SRSF6: variants seen among roughly 807,000 people sequenced by gnomAD.
SRSF6 encodes serine and arginine rich splicing factor 6, also known as serine/arginine-rich splicing factor 6.
SRSF6 carries 17 observed loss-of-function variants against 42.0 expected under a neutral mutation model. That is an observed-to-expected ratio of 0.40 (90% CI 0.28 to 0.61). The LOEUF is 0.61. Among genes scored for constraint, SRSF6 ranks in the 20% least tolerant of loss-of-function variants. The pLI is 0.37. For synonymous variants in SRSF6, 204 were observed against 166.7 expected (o/e 1.22, Z -1.72); for missense variants, 379 against 471.4 (o/e 0.80, Z 1.81).
intron 4 of SRSF6, 82 bp downstream of exon 4, chr20:43,460,323 T>C (rs1485979747): frequency 6.7e-7 from 1 of 1,491,988 alleles, no homozygotes; most frequent in African/African-American, 1.4e-5. Context: ...AATTGTTGCC[T>C]ACTTGAATTA....
chr20:43,458,014 G>C lies in SRSF6; in HGVS notation c.-20G>C. ...TCCGCCGTTCGACAACCAGCCCTTG[G>C]GTCCCCGCCCGCCACGGACATGCCG... On this transcript the variant is annotated 5_prime_UTR_variant, in exon 1 of 6. Coordinates refer to ENST00000244020, the MANE Select transcript of SRSF6 (RefSeq NM_006275.6). The C allele has an allele frequency of 6.2e-7, 1 of 1,603,410 alleles. No homozygotes were observed. The highest frequency in any genetic ancestry group is 8.5e-7 in the Non-Finnish European group (1 of 1,174,946).
rs2017589395 is a variant in SRSF6, at chr20:43,461,337, G to GTTGTTTTT, written c.*276_*277insGTTTTTTT. ...GTAAAGATTAAGCTCATTTAGTGTTGTTTTTTTTTTTTTTTTTTTTTTTTT... is the reference window on the plus strand; with the variant it reads ...GTAAAGATTAAGCTCATTTAGTGTTGTTGTTTTTTTTTTTTTTTTTTTTTTTTTTTTTT... On this transcript the variant is annotated 3_prime_UTR_variant, in exon 6 of 6. Coordinates refer to ENST00000244020, the MANE Select transcript of SRSF6 (RefSeq NM_006275.6). 1 of 43,768 alleles carries GTTGTTTTT rather than the reference G, an allele frequency of 2.3e-5. No individual in the cohort carries two copies. The allele number at this position is 43,768 out of a possible 1,614,324, so 2.7% of individuals were successfully genotyped here.
intron 2 of SRSF6, chr20:43,459,212 C>A (rs1045578812): frequency 1.5e-6 from 2 of 1,352,036 alleles, no homozygotes; most frequent in Non-Finnish European, 2.0e-6. Flanking sequence ...TCCTGATTGG[C>A]CTTGGCTTTT....
Position 43,458,526 on chromosome 20 carries a change from C to T in SRSF6, c.256+17C>T, listed in dbSNP as rs1600860324. On this transcript the variant is annotated intron_variant, in intron 2 of 5. Coordinates refer to ENST00000244020, the MANE Select transcript of SRSF6 (RefSeq NM_006275.6). The stretch of plus-strand genomic sequence containing the variant: ...GAAGCCGCAGTGAGTCCCACCCCCG[C>T]GCGCTCCGCGCCCTTGGGGACCCTG... 6.8e-7 allele frequency: 1 copy of T among 1,480,868 alleles called. No homozygotes were observed. The highest frequency in any genetic ancestry group is 8.9e-7 in the Non-Finnish European group (1 of 1,124,044). 91.7% of individuals were successfully genotyped at this position (1,480,868 alleles called of 1,614,324 possible).
chr20:43,460,287 T>TA, intron 4 of SRSF6, 46 bp downstream of exon 4: 1 of 1,592,782 alleles, frequency 6.3e-7, no homozygotes, highest in Non-Finnish European at 8.6e-7. Flanking sequence ...TATTTGCCAA[T>TA]AAAAAGGGAG....
Position 43,458,397 on chromosome 20 carries a change from C to T in SRSF6, c.144C>T (p.Ala48=), listed in dbSNP as rs2017533845. ...TGGAGTTCGAGGACTCCCGCGACGC[C>T]GACGACGCCGTTTACGAGCTGAACG... The part of the protein sequence containing the change: ...GFVEFEDSRD[A]DDAVYELNGK... Residue 48 remains alanine, a synonymous_variant, in exon 2 of 6, where the codon GCC becomes GCT. Transcript: ENST00000244020. The T allele has an allele frequency of 2.6e-6, 4 of 1,556,980 alleles. No homozygotes were observed. Among genetic ancestry groups the T allele is most frequent in the African/African-American group, 1.4e-5 (1 of 69,872 alleles).
At position 43,460,964 on chromosome 20, in the gene SRSF6, C is replaced by T. The variant is rs1246107875; in HGVS notation, c.936C>T (p.Ala312=). 1 of 1,614,124 alleles carries T rather than the reference C, an allele frequency of 6.2e-7. No individual in the cohort carries two copies. The change falls in exon 6 of 6, where the codon GCC becomes GCT. Residue 312 remains alanine, a synonymous_variant. Transcript: ENST00000244020. ...CGCTACCTGTTCCACCCTCAAAGGC[C>T]CGTTCTGTGTCCCCTCCACCAAAAA... The part of the protein sequence containing the change: ...NSPLPVPPSK[A]RSVSPPPKRA...
chr20:43,461,334 GTTGTTTTTTT>G lies in SRSF6; in HGVS notation c.*274_*283del, dbSNP rs1324016847. 82 of 56,472 alleles carry G rather than the reference GTTGTTTTTTT, an allele frequency of 1.5e-3. 2 individuals carry two copies. Among genetic ancestry groups the G allele is most frequent in the East Asian group, 6.0e-3 (8 of 1,326 alleles). The allele number at this position is 56,472 out of a possible 1,614,324, so 3.5% of individuals were successfully genotyped here. A position where few individuals can be genotyped will look rare whatever the true frequency, so the allele number is the denominator to read the frequency against. On this transcript the variant is annotated 3_prime_UTR_variant, in exon 6 of 6. Transcript: ENST00000244020. ...TTTGTAAAGATTAAGCTCATTTAGTGTTGTTTTTTTTTTTTTTTTTTTTTTTTTTTTTTTT... is the reference window on the plus strand; with the variant it reads ...TTTGTAAAGATTAAGCTCATTTAGTGTTTTTTTTTTTTTTTTTTTTTTTTT...
chr20:43,462,908 TC>T lies in SRSF6; in HGVS notation c.*1846del, dbSNP rs545260299. On this transcript the variant is annotated 3_prime_UTR_variant, in exon 6 of 6. Transcript: ENST00000244020. ...AGAAAATGATGTCTGTTGTTATAGT[TC>T]ATTGTTTTGCCTACTCAGCAGAAGT... The T allele has an allele frequency of 9.1e-3, 1,397 of 152,780 alleles. 15 individuals are homozygous for T. Among genetic ancestry groups the T allele is most frequent in the Non-Finnish European group, 0.011 (723 of 68,030 alleles). 9.5% of individuals were successfully genotyped at this position (152,780 alleles called of 1,614,324 possible). A position where few individuals can be genotyped will look rare whatever the true frequency, so the allele number is the denominator to read the frequency against.
rs1159287897 is a variant in SRSF6, at chr20:43,461,074, C to A, written c.*11C>A. The A allele has an allele frequency of 7.1e-6, 11 of 1,544,954 alleles. No homozygotes were observed. The highest frequency in any genetic ancestry group is 9.6e-6 in the Non-Finnish European group (11 of 1,148,542). On this transcript the variant is annotated 3_prime_UTR_variant, in exon 6 of 6. Transcript: ENST00000244020. ...AGTTCCAGAGATTAACTCAGAACTC[C>A]TTGTTTGCACATTATTATGGAACAC...
chr20:43,459,619 T>C (rs2017551792), intron 2 of SRSF6, 152 bp from the exon 3 acceptor site: 1 of 1,362,888 alleles, frequency 7.3e-7, no homozygotes, highest in South Asian at 1.4e-5. Context: ...AATTTAATTT[T>C]ATGGCAAATC....
Position 43,457,973 on chromosome 20 carries a change from G to C in SRSF6, c.-61G>C. The C allele has an allele frequency of 7.0e-7, 1 of 1,418,598 alleles. No homozygotes were observed. The highest frequency in any genetic ancestry group is 1.2e-5 in the South Asian group (1 of 84,516). The allele number at this position is 1,418,598 out of a possible 1,614,324, so 87.9% of individuals were successfully genotyped here. A position where few individuals can be genotyped will look rare whatever the true frequency, so the allele number is the denominator to read the frequency against. ...CTTGCCGTCCCCGCACCCGCACCGC[G>C]GTTACTGGCTTGCGGTCCGCCGTTC... On this transcript the variant is annotated 5_prime_UTR_variant, in exon 1 of 6. Coordinates refer to ENST00000244020, the MANE Select transcript of SRSF6 (RefSeq NM_006275.6).
In SRSF6 at chr20:43,464,036, G is replaced by A. The variant is rs1249874713; in HGVS notation, c.*2973G>A. 2 of 152,166 alleles carry A rather than the reference G, an allele frequency of 1.3e-5. No homozygotes were observed. The highest frequency in any genetic ancestry group is 2.1e-4 in the South Asian group (1 of 4,822). 9.4% of individuals were successfully genotyped at this position (152,166 alleles called of 1,614,324 possible). A position where few individuals can be genotyped will look rare whatever the true frequency, so the allele number is the denominator to read the frequency against. On this transcript the variant is annotated 3_prime_UTR_variant, in exon 6 of 6. Transcript: ENST00000244020. ...GCCTTTTTAGGTTTTCAGTGTTCAT[G>A]CCCTGAGTAGTAGTCTGCAGTTTGC...
chr20:43,459,021 A>G (rs1600860713), intron 2 of SRSF6: 3 of 695,718 alleles, frequency 4.3e-6, no homozygotes, highest in Admixed American at 2.7e-5. Context: ...TTTATGCTGT[A>G]TTTGAACTAA....
In SRSF6 at chr20:43,458,022, C is replaced by T. The variant is rs774722452; in HGVS notation, c.-12C>T. The T allele has an allele frequency of 6.2e-7, 1 of 1,607,458 alleles. No individual in the cohort carries two copies. Among genetic ancestry groups the T allele is most frequent in the Non-Finnish European group, 8.5e-7 (1 of 1,177,068 alleles). On this transcript the variant is annotated 5_prime_UTR_variant, in exon 1 of 6. Transcript: ENST00000244020. ...TCGACAACCAGCCCTTGGGTCCCCG[C>T]CCGCCACGGACATGCCGCGCGTCTA...
chr20:43,457,928 G>A lies in SRSF6; in HGVS notation c.-106G>A, dbSNP rs1043106123. ...GGCTGGACTCGGCCGCCCCTGTGGT[G>A]TGAGGCGCGTGTTCGGGCTCTTGCC... On this transcript the variant is annotated 5_prime_UTR_variant, in exon 1 of 6. The change creates a new upstream start codon in the 5' untranslated region. Transcript: ENST00000244020. 2.1e-6 allele frequency: 2 copies of A among 941,078 alleles called. No homozygotes were observed. The highest frequency in any genetic ancestry group is 1.5e-5 in the South Asian group (1 of 68,838). 58.3% of individuals were successfully genotyped at this position (941,078 alleles called of 1,614,324 possible).
In SRSF6 at chr20:43,463,850, T is replaced by G. The variant is rs558121084; in HGVS notation, c.*2787T>G. The G allele has an allele frequency of 6.6e-6, 1 of 152,348 alleles. No individual in the cohort carries two copies. The highest frequency in any genetic ancestry group is 2.4e-5 in the African/African-American group (1 of 41,580). 9.4% of individuals were successfully genotyped at this position (152,348 alleles called of 1,614,324 possible). ...TAAAACATGCATGGGATGTGAAGATTAAAAGTCAAGAATATGAACAGTACA... is the reference window on the plus strand; with the variant it reads ...TAAAACATGCATGGGATGTGAAGATGAAAAGTCAAGAATATGAACAGTACA... On this transcript the variant is annotated 3_prime_UTR_variant, in exon 6 of 6. Transcript: ENST00000244020.
rs988391696 is a variant in SRSF6 at position 43,461,778 on chromosome 20, A to G, written c.*715A>G. The G allele has an allele frequency of 1.3e-5, 2 of 152,620 alleles. No individual in the cohort carries two copies. The highest frequency in any genetic ancestry group is 1.3e-4 in the Admixed American group (2 of 15,278). 9.5% of individuals were successfully genotyped at this position (152,620 alleles called of 1,614,324 possible). ...AAAAATAAAAGGTATTTTTTAGTCA[A>G]TGTGTTCCATGATTTTGCTTAAATT... On this transcript the variant is annotated 3_prime_UTR_variant, in exon 6 of 6. Transcript: ENST00000244020.
In SRSF6 at chr20:43,457,973, G is replaced by A. The variant is rs761836664; in HGVS notation, c.-61G>A. 3.2e-5 allele frequency: 45 copies of A among 1,418,480 alleles called. No homozygotes were observed. The highest frequency in any genetic ancestry group is 4.3e-5 in the Non-Finnish European group (44 of 1,018,166). The allele number at this position is 1,418,480 out of a possible 1,614,324, so 87.9% of individuals were successfully genotyped here. A position where few individuals can be genotyped will look rare whatever the true frequency, so the allele number is the denominator to read the frequency against. ...CTTGCCGTCCCCGCACCCGCACCGC[G>A]GTTACTGGCTTGCGGTCCGCCGTTC... On this transcript the variant is annotated 5_prime_UTR_variant, in exon 1 of 6. Transcript: ENST00000244020.
Sources: allele counts gnomAD v4.1 joint callset, GRCh38; gene constraint gnomAD v4.1.1; transcripts MANE v1.5; gene names NCBI Gene and HGNC (gene_info 2026-07-23, HGNC 2026-07-21).